NYAP2: variants seen among roughly 807,000 people sequenced by gnomAD.
NYAP2 encodes neuronal tyrosine-phosphorylated phosphoinositide-3-kinase adaptor 2.
In NYAP2, 23 loss-of-function variants were observed where a neutral mutation model predicts 50.4. That is an observed-to-expected ratio of 0.46 (90% CI 0.33 to 0.65). The LOEUF (loss-of-function observed/expected upper bound fraction) is 0.65, where lower values mean the gene tolerates loss of function less well. Ranked by LOEUF, NYAP2 falls within the 30% of genes least tolerant of loss-of-function variation. The pLI is 0.02. For synonymous variants in NYAP2, 394 were observed against 365.2 expected (o/e 1.08, Z -0.90); for missense variants, 885 against 861.0 (o/e 1.03, Z -0.35).
chr2:225,569,085 T>G (rs967705403), intron 4 of NYAP2, among the ~76,000 whole-genome samples: 5 of 152,076 alleles, frequency 3.3e-5, no homozygotes, highest in Non-Finnish European at 5.9e-5. Flanking sequence ...ATATGAGGGA[T>G]AGCAAATAAT....
chr2:225,455,196 A>C (rs563778411), intron 3 of NYAP2, among the ~76,000 whole-genome samples: 2 of 152,364 alleles, frequency 1.3e-5, no homozygotes, highest in Non-Finnish European at 1.5e-5. Flanking sequence ...GACCCATTTC[A>C]GACTCCTGAA....
intron 3 of NYAP2, among the ~76,000 whole-genome samples, chr2:225,463,669 C>G (rs548806758): frequency 1.3e-5 from 2 of 152,360 alleles, no homozygotes; most frequent in Middle Eastern, 3.4e-3. Flanking sequence ...TCGGTCAAAT[C>G]ATTTGGAGTT....
chr2:225,505,742 C>T (rs2106180506), intron 3 of NYAP2, among the ~76,000 whole-genome samples: 1 of 152,146 alleles, frequency 6.6e-6, no homozygotes, highest in South Asian at 2.1e-4. Flanking sequence ...GTCAGGAAAC[C>T]CAAATATAAT....
intron 3 of NYAP2, among the ~76,000 whole-genome samples, chr2:225,464,655 G>A (rs1345985176): frequency 2.0e-5 from 3 of 152,200 alleles, no homozygotes; most frequent in Admixed American, 2.0e-4. Flanking sequence ...TTGTTAACAT[G>A]AAATTTCTGA....
chr2:225,421,231 G>A (rs1695210069), intron 3 of NYAP2, among the ~76,000 whole-genome samples: 1 of 152,054 alleles, frequency 6.6e-6, no homozygotes, highest in African/African-American at 2.4e-5. Context: ...TAACCACCTA[G>A]GATGCTTGTT....
At chr2:225,673,325 A>T in the NYAP2 span, among the ~76,000 whole-genome samples, 1 of 152,108 alleles carries the variant, frequency 6.6e-6, no homozygotes. Context: ...CATATCATAT[A>T]ATAATACTGA....
intron 3 of NYAP2, among the ~76,000 whole-genome samples, chr2:225,506,810 C>T (rs898856590): frequency 4.6e-5 from 7 of 152,068 alleles, no homozygotes; most frequent in Admixed American, 3.3e-4. Flanking sequence ...AAATCTCATC[C>T]TCTTCTTTAC....
intron 4 of NYAP2, among the ~76,000 whole-genome samples, chr2:225,568,725 C>G (rs1019858872): frequency 6.6e-6 from 1 of 152,090 alleles, no homozygotes; most frequent in Non-Finnish European, 1.5e-5. Flanking sequence ...CTCACATAAA[C>G]CAATGGAGAG....
chr2:225,646,042 G>T lies in NYAP2; in HGVS notation c.1829-5390G>T, dbSNP rs1394189680. Reference sequence around the variant, plus strand: ...GCCTAAAGGATCTCTGAAAGGCATGGTTATAATTAGAATATTTTCTAGGAT... The same window carrying T: ...GCCTAAAGGATCTCTGAAAGGCATGTTTATAATTAGAATATTTTCTAGGAT... On this transcript the variant is annotated intron_variant, in intron 6 of 6. Transcript: ENST00000636099. Among the ~76,000 whole-genome samples the T allele has an allele frequency of 6.9e-4, 105 of 152,166 alleles. 1 individual carries two copies. The highest frequency in any genetic ancestry group is 1.9e-4 in the East Asian group (1 of 5,196).
At chr2:225,676,564 C>T in the NYAP2 span, among the ~76,000 whole-genome samples, 4 of 152,090 alleles carry the variant, frequency 2.6e-5, no homozygotes, top group Non-Finnish European at 5.9e-5. Context: ...GCAAGTTCAT[C>T]TTACATGGAT....
chr2:225,564,442 T>G (rs1691927448), intron 4 of NYAP2, among the ~76,000 whole-genome samples: 1 of 151,758 alleles, frequency 6.6e-6, no homozygotes, highest in Non-Finnish European at 1.5e-5. Flanking sequence ...GTCAGTGAGA[T>G]TCTAACATGG....
chr2:225,429,192 G>A (rs1191670265), intron 3 of NYAP2, among the ~76,000 whole-genome samples: 1 of 151,904 alleles, frequency 6.6e-6, no homozygotes, highest in African/African-American at 2.4e-5. Flanking sequence ...TGTCGAGGGG[G>A]GATTTAGGGA....
chr2:225,661,434 T>C, the NYAP2 span, among the ~76,000 whole-genome samples: 30,400 of 152,136 alleles, frequency 0.2, 3,422 homozygotes, highest in African/African-American at 0.3. Flanking sequence ...TCCAGATAAA[T>C]TGGATTCCTA....
chr2:225,670,590 G>A, the NYAP2 span, among the ~76,000 whole-genome samples: 3 of 126,178 alleles, frequency 2.4e-5, no homozygotes, highest in African/African-American at 6.0e-5. Context: ...CTGGGAAAAC[G>A]TCTTCAGTAT....
At chr2:225,433,010 G>A (rs1689293931) in intron 3 of NYAP2, among the ~76,000 whole-genome samples, 1 of 152,118 alleles carries the variant, frequency 6.6e-6, no homozygotes. Context: ...CTAGCTGTAA[G>A]GGATGTTGGG....
intron 3 of NYAP2, among the ~76,000 whole-genome samples, chr2:225,484,908 GTGCTAT>G (rs1690263639): frequency 1.3e-5 from 2 of 152,218 alleles, no homozygotes; most frequent in African/African-American, 4.8e-5. Context: ...CTTCACCCCA[GTGCTAT>G]TGAATCAGAA....
At chr2:225,492,133 GGT>G (rs1427463802) in intron 3 of NYAP2, among the ~76,000 whole-genome samples, 3 of 152,108 alleles carry the variant, frequency 2.0e-5, no homozygotes, top group Non-Finnish European at 4.4e-5. Context: ...CCATGTGGCC[GGT>G]GTGTGTGATT....
At chr2:225,658,846 C>T (rs553113993), downstream of NYAP2, among the ~76,000 whole-genome samples, 1 of 152,302 alleles carries the variant, frequency 6.6e-6, no homozygotes, top group South Asian at 2.1e-4. Flanking sequence ...GGTCATAACT[C>T]TTTACAACTT....
intron 3 of NYAP2, among the ~76,000 whole-genome samples, chr2:225,510,570 T>C (rs554897771): frequency 6.6e-6 from 1 of 152,342 alleles, no homozygotes. Context: ...TTTGGGCTAA[T>C]AACCTTTCTG....
Sources: allele counts gnomAD v4.1 joint callset (sites outside exome capture counted in the v4.1 genomes callset), GRCh38; gene constraint gnomAD v4.1.1; transcripts MANE v1.5; gene names NCBI Gene and HGNC (gene_info 2026-07-23, HGNC 2026-07-21).